ART1: variants seen among roughly 807,000 people sequenced by gnomAD.
ART1 encodes the protein ADP-ribosyltransferase 1, also known as GPI-linked NAD(P)(+)--arginine ADP-ribosyltransferase 1.
In ART1, 29 loss-of-function variants were observed where a neutral mutation model predicts 27.0. The observed-to-expected ratio is 1.08, with a 90% confidence interval of 0.80 to 1.47. The LOEUF is 1.47. ART1 is among the 40% of genes most tolerant of loss of function. The pLI is 0.00. For synonymous variants in ART1, 201 were observed against 172.2 expected, an observed-to-expected ratio of 1.17 and a Z score of -1.31; for missense variants, 480 against 423.0, an observed-to-expected ratio of 1.13 and a Z score of -1.18.
chr11:3,662,763 G>C (rs1354215186), intron 4 of ART1, among the ~76,000 whole-genome samples: 1 of 152,220 alleles, frequency 6.6e-6, no homozygotes, highest in Non-Finnish European at 1.5e-5. Flanking sequence ...AGAATCTCTT[G>C]AACCTGGGAG....
At chr11:3,649,107 C>T (rs545178458) in intron 1 of ART1, among the ~76,000 whole-genome samples, 1 of 152,194 alleles carries the variant, frequency 6.6e-6, no homozygotes, top group African/African-American at 2.4e-5. Context: ...ACCCCTGAAC[C>T]CCTTCCCTCC....
chr11:3,652,456 T>A (rs902554153), intron 1 of ART1, among the ~76,000 whole-genome samples: 7 of 151,658 alleles, frequency 4.6e-5, no homozygotes, highest in Non-Finnish European at 8.8e-5. Context: ...GGACTAAAGG[T>A]CTTTTAAAAA....
intron 1 of ART1, among the ~76,000 whole-genome samples, chr11:3,655,928 C>CTTTTTTT (rs761533207): frequency 1.8e-5 from 2 of 109,020 alleles, no homozygotes; most frequent in Non-Finnish European, 1.8e-5. Flanking sequence ...GAGCTCAAGT[C>CTTTTTTT]TTTTTTTTTT....
At chr11:3,656,849 CA>C (rs1030252196) in intron 1 of ART1, among the ~76,000 whole-genome samples, 2 of 151,746 alleles carry the variant, frequency 1.3e-5, no homozygotes, top group East Asian at 1.9e-4. Flanking sequence ...ACAACAATAA[CA>C]AAAAAAATTG....
At chr11:3,653,513 G>A (rs1003084056) in intron 1 of ART1, among the ~76,000 whole-genome samples, 10 of 150,836 alleles carry the variant, frequency 6.6e-5, no homozygotes, top group Non-Finnish European at 1.3e-4. Context: ...CTATAAAACG[G>A]ACCCACCCTT....
intron 4 of ART1, 94 bp from the exon 5 acceptor site, chr11:3,663,998 T>G: frequency 8.7e-7 from 1 of 1,148,560 alleles, no homozygotes; most frequent in Non-Finnish European, 1.3e-6. Context: ...CTCTCCACCT[T>G]GTATCTGCAT....
At chr11:3,653,773 G>A (rs1483489520) in intron 1 of ART1, among the ~76,000 whole-genome samples, 4 of 151,644 alleles carry the variant, frequency 2.6e-5, no homozygotes, top group Admixed American at 1.3e-4. Flanking sequence ...ATCAAGTCTT[G>A]TAAATTCCAC....
At chr11:3,649,954 C>T (rs1412581184) in intron 1 of ART1, among the ~76,000 whole-genome samples, 3 of 152,176 alleles carry the variant, frequency 2.0e-5, no homozygotes, top group Non-Finnish European at 4.4e-5. Context: ...ACCCAATCTG[C>T]TCCTGACATT....
At chr11:3,653,811 A>G (rs919406682) in intron 1 of ART1, among the ~76,000 whole-genome samples, 5 of 140,008 alleles carry the variant, frequency 3.6e-5, no homozygotes, top group East Asian at 2.1e-4. Context: ...CCTCACTGCC[A>G]TTCTCCCATC....
At chr11:3,649,091 G>C (rs1310889569) in intron 1 of ART1, among the ~76,000 whole-genome samples, 1 of 151,888 alleles carries the variant, frequency 6.6e-6, no homozygotes. Flanking sequence ...TTTCTGGAGG[G>C]TAAGAACCCC....
chr11:3,649,812 G>T (rs57781641), intron 1 of ART1, among the ~76,000 whole-genome samples: 4 of 151,858 alleles, frequency 2.6e-5, no homozygotes, highest in Non-Finnish European at 2.9e-5. Flanking sequence ...GAATCAGAGC[G>T]TTTAGGCTTT....
intron 1 of ART1, among the ~76,000 whole-genome samples, chr11:3,650,476 C>T (rs2077511830): frequency 6.6e-6 from 1 of 152,204 alleles, no homozygotes; most frequent in African/African-American, 2.4e-5. Context: ...GAGTAACTCT[C>T]ACAGTGGAAA....
intron 1 of ART1, among the ~76,000 whole-genome samples, chr11:3,657,002 T>A (rs2077580845): frequency 6.6e-6 from 1 of 152,196 alleles, no homozygotes; most frequent in South Asian, 2.1e-4. Context: ...TTGGCAATTA[T>A]AGGATCTTAG....
At chr11:3,654,744 A>G (rs372736188) in intron 1 of ART1, among the ~76,000 whole-genome samples, 6,668 of 99,374 alleles carry the variant, frequency 0.067, 428 homozygotes, top group African/African-American at 0.18. Context: ...ACCTCTGTCT[A>G]TCCTCACTGC....
At chr11:3,660,514 G>A (rs1186537088) in intron 3 of ART1, 151 bp downstream of exon 3, 13 of 958,392 alleles carry the variant, frequency 1.4e-5, no homozygotes, top group Non-Finnish European at 2.0e-5. Flanking sequence ...TTCCATCTAA[G>A]GGGAGACATA....
intron 1 of ART1, among the ~76,000 whole-genome samples, chr11:3,657,088 T>G (rs1423460336): frequency 6.6e-6 from 1 of 152,140 alleles, no homozygotes; most frequent in African/African-American, 2.4e-5. Flanking sequence ...AACTTAGGTC[T>G]CCCCAGAGCC....
rs189089183 is a variant in ART1 at position 3,649,596 on chromosome 11, T to C, written c.-53+4417T>C. Among the ~76,000 whole-genome samples the C allele has an allele frequency of 2.2e-3, 330 of 152,340 alleles. 1 individual carries two copies. The highest frequency in any genetic ancestry group is 7.1e-3 in the African/African-American group (295 of 41,558). On this transcript the variant is annotated intron_variant, in intron 1 of 4. Coordinates refer to ENST00000250693, the MANE Select transcript of ART1 (RefSeq NM_004314.3). ...CTCCCCAGGCTGCTCCTCGCCAGGC[T>C]GAGCTAGGTCCCAATTCTTCCTCAG...
At chr11:3,658,199 G>T (rs1469612742) in intron 1 of ART1, among the ~76,000 whole-genome samples, 1 of 151,928 alleles carries the variant, frequency 6.6e-6, no homozygotes, top group Non-Finnish European at 1.5e-5. Context: ...TGGGTGTGGA[G>T]GCGGGCACCT....
At chr11:3,660,515 G>GGGTT in intron 3 of ART1, 152 bp downstream of exon 3, 3 of 954,388 alleles carry the variant, frequency 3.1e-6, no homozygotes, top group Non-Finnish European at 3.0e-6. Context: ...TCCATCTAAG[G>GGGTT]GGAGACATAA....
Sources: allele counts gnomAD v4.1 joint callset (sites outside exome capture counted in the v4.1 genomes callset), GRCh38; gene constraint gnomAD v4.1.1; transcripts MANE v1.5; gene names NCBI Gene and HGNC (gene_info 2026-07-23, HGNC 2026-07-21).